MAGI1: variants seen among roughly 807,000 people sequenced by gnomAD.
MAGI1 encodes the protein membrane associated guanylate kinase, WW and PDZ domain containing 1.
MAGI1 carries 58 observed loss-of-function variants against 139.9 expected under a neutral mutation model. The ratio of observed to expected loss-of-function variants is 0.41; its 90% CI spans 0.34 to 0.52. The LOEUF (loss-of-function observed/expected upper bound fraction) is 0.52. Among genes scored for constraint, MAGI1 ranks in the 20% least tolerant of loss-of-function variants. MAGI1 has a pLI of 0.12. For synonymous variants in MAGI1, 812 were observed against 737.9 expected (o/e 1.10, Z -1.63); for missense variants, 1,874 against 1,901.6 (o/e 0.99, Z 0.27).
intron 2 of MAGI1, among the ~76,000 whole-genome samples, chr3:65,608,411 G>A (rs1358275622): frequency 6.6e-6 from 1 of 151,852 alleles, no homozygotes; most frequent in Non-Finnish European, 1.5e-5. Context: ...CTCCAGCCTG[G>A]GCAACAAGAG....
intron 1 of MAGI1, among the ~76,000 whole-genome samples, chr3:65,789,782 G>GA (rs1324492192): frequency 7.9e-5 from 12 of 151,924 alleles, no homozygotes; most frequent in South Asian, 4.1e-4. Flanking sequence ...GGACTCCCTA[G>GA]AAAAAAACAA....
chr3:65,927,157 A>T (rs1248188760), intron 1 of MAGI1, among the ~76,000 whole-genome samples: 1 of 152,196 alleles, frequency 6.6e-6, no homozygotes, highest in Non-Finnish European at 1.5e-5. Context: ...CCTATGGAGT[A>T]GCCATTCTTT....
In MAGI1 at chr3:65,530,624, G is replaced by GTGGTGTGTGTGT. The variant is rs1204700107; in HGVS notation, c.431-36994_431-36993insACACACACACCA. Among the ~76,000 whole-genome samples the GTGGTGTGTGTGT allele has an allele frequency of 6.9e-4, 89 of 129,006 alleles. 1 individual carries two copies. Among genetic ancestry groups the GTGGTGTGTGTGT allele is most frequent in the Admixed American group, 1.2e-3 (14 of 12,168 alleles). The allele number at this position is 129,006 out of a possible 152,430, so 84.6% of individuals were successfully genotyped here. ...GCAAGACACATACGTATGTGTGTGT[G>GTGGTGTGTGTGT]GTGTGTGTGTGTGTGTGTGTGTGTG... On this transcript the variant is annotated intron_variant, in intron 2 of 22. Transcript: ENST00000402939.
At chr3:65,452,326 A>C (rs1949080673) in intron 6 of MAGI1, among the ~76,000 whole-genome samples, 1 of 152,188 alleles carries the variant, frequency 6.6e-6, no homozygotes, top group Non-Finnish European at 1.5e-5. Context: ...ACTGCCTTGC[A>C]TTTTCAAAAA....
chr3:65,391,805 C>A (rs1286493178), intron 13 of MAGI1, among the ~76,000 whole-genome samples: 1 of 152,038 alleles, frequency 6.6e-6, no homozygotes, highest in Non-Finnish European at 1.5e-5. Flanking sequence ...ATGTCTTGTA[C>A]CTTTTAATAA....
At chr3:65,727,385 G>T (rs1184742727) in intron 1 of MAGI1, among the ~76,000 whole-genome samples, 2 of 152,060 alleles carry the variant, frequency 1.3e-5, no homozygotes, top group Non-Finnish European at 2.9e-5. Flanking sequence ...AAAGAAACAG[G>T]GAGTTATTCC....
chr3:65,825,020 C>G (rs2042148325), intron 1 of MAGI1, among the ~76,000 whole-genome samples: 1 of 152,080 alleles, frequency 6.6e-6, no homozygotes, highest in Non-Finnish European at 1.5e-5. Flanking sequence ...CGGTAAAACA[C>G]CCATAAAGTA....
intron 1 of MAGI1, among the ~76,000 whole-genome samples, chr3:65,996,329 T>C (rs909836217): frequency 2.6e-5 from 4 of 152,180 alleles, no homozygotes; most frequent in African/African-American, 9.7e-5. Context: ...TTATAACTTG[T>C]CTTTTTATAC....
chr3:65,499,563 C>T (rs1370803205), intron 2 of MAGI1, among the ~76,000 whole-genome samples: 1 of 151,808 alleles, frequency 6.6e-6, no homozygotes, highest in Non-Finnish European at 1.5e-5. Flanking sequence ...GCAGAGGTTG[C>T]AGTGAGCTGA....
At chr3:65,476,441 T>G (rs1036963139) in intron 4 of MAGI1, among the ~76,000 whole-genome samples, 1 of 152,174 alleles carries the variant, frequency 6.6e-6, no homozygotes, top group African/African-American at 2.4e-5. Context: ...CAAGTTGTTC[T>G]AAGATGCCAG....
chr3:65,673,280 A>C (rs532529725), intron 1 of MAGI1, among the ~76,000 whole-genome samples: 1 of 152,304 alleles, frequency 6.6e-6, no homozygotes, highest in Admixed American at 6.5e-5. Flanking sequence ...AATGATCTGG[A>C]GGTGAAGCCT....
intron 1 of MAGI1, among the ~76,000 whole-genome samples, chr3:65,783,007 C>CAA (rs200240907): frequency 6.8e-6 from 1 of 148,088 alleles, no homozygotes; most frequent in Non-Finnish European, 1.5e-5. Flanking sequence ...ACAACAACAA[C>CAA]AAAAAAAAGA....
At chr3:66,035,486 T>G (rs561760757) in intron 1 of MAGI1, among the ~76,000 whole-genome samples, 4 of 152,272 alleles carry the variant, frequency 2.6e-5, no homozygotes, top group Admixed American at 2.6e-4. Context: ...AATCATATTC[T>G]CAACATGGAA....
At chr3:65,417,573 C>G (rs764005953) in intron 12 of MAGI1, among the ~76,000 whole-genome samples, 21 of 151,162 alleles carry the variant, frequency 1.4e-4, no homozygotes, top group Non-Finnish European at 2.7e-4. Context: ...TTGCCAGTTA[C>G]TGGGATTTTG....
At chr3:65,868,988 C>T (rs2108476522) in intron 1 of MAGI1, among the ~76,000 whole-genome samples, 1 of 152,202 alleles carries the variant, frequency 6.6e-6, no homozygotes, top group Non-Finnish European at 1.5e-5. Flanking sequence ...ATAATTACTG[C>T]CGGGCGCGGT....
At chr3:65,920,812 C>A (rs927380612) in intron 1 of MAGI1, among the ~76,000 whole-genome samples, 2 of 152,206 alleles carry the variant, frequency 1.3e-5, no homozygotes, top group South Asian at 4.1e-4. Flanking sequence ...GGGTGGATCA[C>A]GAGGTCAGGG....
At chr3:65,890,796 A>G (rs2060715214) in intron 1 of MAGI1, among the ~76,000 whole-genome samples, 1 of 152,240 alleles carries the variant, frequency 6.6e-6, no homozygotes, top group Admixed American at 6.5e-5. Flanking sequence ...AACTATCCCA[A>G]TAAGCTACAT....
At chr3:65,553,213 C>T (rs921486930) in intron 2 of MAGI1, among the ~76,000 whole-genome samples, 4 of 151,486 alleles carry the variant, frequency 2.6e-5, no homozygotes, top group East Asian at 1.9e-4. Context: ...CAGCTATGCA[C>T]GGTATAACAA....
intron 1 of MAGI1, among the ~76,000 whole-genome samples, chr3:65,951,489 C>T (rs758859859): frequency 2.0e-5 from 3 of 152,096 alleles, no homozygotes; most frequent in Non-Finnish European, 2.9e-5. Flanking sequence ...GTATAAATTA[C>T]GCATCTGATT....
Sources: gnomAD v4.1 joint callset for allele counts (sites outside exome capture counted in the v4.1 genomes callset) on GRCh38, gnomAD v4.1.1 for gene constraint, MANE v1.5 for transcripts, NCBI Gene and HGNC (gene_info 2026-07-23, HGNC 2026-07-21) for gene names.